SLC16A7: variants seen among roughly 807,000 people sequenced by gnomAD.
SLC16A7 encodes monocarboxylate transporter 2.
A neutral mutation model predicts 34.9 loss-of-function variants in SLC16A7; 33 were observed. The ratio of observed to expected loss-of-function variants is 0.94; its 90% confidence interval spans 0.72 to 1.26. The LOEUF is 1.26. Among genes scored for constraint, SLC16A7 ranks in the 50% most tolerant of loss-of-function variants. The pLI is 0.00. For synonymous variants in SLC16A7, 201 were observed against 206.6 expected (o/e 0.97, Z 0.23); for missense variants, 573 against 578.1 (o/e 0.99, Z 0.09).
At chr12:59,707,958 G>A (rs1484987878) in intron 3 of SLC16A7, among the ~76,000 whole-genome samples, 1 of 152,042 alleles carries the variant, frequency 6.6e-6, no homozygotes, top group Non-Finnish European at 1.5e-5. Flanking sequence ...GCTTTTACCT[G>A]CCATGTCCAC....
chr12:59,634,069 A>G (rs1880308620), intron 1 of SLC16A7, among the ~76,000 whole-genome samples: 1 of 152,078 alleles, frequency 6.6e-6, no homozygotes, highest in African/African-American at 2.4e-5. Flanking sequence ...TGGAAACTGA[A>G]ACAGCCGGGT....
At chr12:59,690,569 A>G (rs1871530806) in intron 2 of SLC16A7, among the ~76,000 whole-genome samples, 1 of 151,994 alleles carries the variant, frequency 6.6e-6, no homozygotes, top group Admixed American at 6.6e-5. Context: ...ATGCCTAGAA[A>G]AAGCATATAA....
At chr12:59,645,561 G>T (rs1241569219) in intron 1 of SLC16A7, among the ~76,000 whole-genome samples, 1 of 152,104 alleles carries the variant, frequency 6.6e-6, no homozygotes, top group Admixed American at 6.6e-5. Flanking sequence ...TCCCAGCCCT[G>T]TGCAATGGTG....
chr12:59,662,411 T>A (rs1868902766), intron 2 of SLC16A7, among the ~76,000 whole-genome samples: 1 of 152,098 alleles, frequency 6.6e-6, no homozygotes, highest in Admixed American at 6.6e-5. Context: ...CTATCTGCAT[T>A]TCCTCTCTCC....
intron 3 of SLC16A7, among the ~76,000 whole-genome samples, chr12:59,751,603 G>A (rs1474510302): frequency 1.3e-5 from 2 of 152,222 alleles, no homozygotes; most frequent in South Asian, 4.1e-4. Flanking sequence ...CAGCCAGGAA[G>A]CTCCAACTGG....
chr12:59,722,085 A>G lies in SLC16A7; in HGVS notation c.217+17067A>G, dbSNP rs145189915. ...AGTTTCAACTTCTCCTGAACTCTAGACCTATATATAAACCCTCTTTTCAGT... is the reference window on the plus strand; with the variant it reads ...AGTTTCAACTTCTCCTGAACTCTAGGCCTATATATAAACCCTCTTTTCAGT... On this transcript the variant is annotated intron_variant, in intron 3 of 5. Transcript: ENST00000547379. Among the ~76,000 whole-genome samples the G allele has an allele frequency of 5.0e-3, 758 of 151,850 alleles. 7 individuals are homozygous for G. The highest frequency in any genetic ancestry group is 0.017 in the African/African-American group (694 of 41,460).
At chr12:59,768,057 C>G (rs1305507222) in intron 3 of SLC16A7, 1 of 415,904 alleles carries the variant, frequency 2.4e-6, no homozygotes, top group Admixed American at 2.7e-5. Context: ...CAAACCTGCA[C>G]GTTGTGCACA....
At chr12:59,630,111 CCTT>C (rs1161597271) in intron 1 of SLC16A7, among the ~76,000 whole-genome samples, 3 of 151,890 alleles carry the variant, frequency 2.0e-5, no homozygotes, top group Admixed American at 1.3e-4. Context: ...CCCTGACTCT[CCTT>C]CTTTCTTTCT....
intron 2 of SLC16A7, among the ~76,000 whole-genome samples, chr12:59,684,759 A>G (rs1000285895): frequency 6.6e-6 from 1 of 152,300 alleles, no homozygotes; most frequent in Admixed American, 6.5e-5. Context: ...AAATTAAACA[A>G]TAAAATAATT....
rs185955110 is a variant in SLC16A7 at position 59,644,393 on chromosome 12, C to T, written c.-129-10759C>T. Among the ~76,000 whole-genome samples the T allele has an allele frequency of 1.9e-4, 29 of 152,022 alleles. No individual in the cohort carries two copies. In the East Asian group the frequency reaches 5.4e-3, roughly 29 times the overall value. On this transcript the variant is annotated intron_variant, in intron 1 of 5. Coordinates refer to ENST00000547379, the MANE Select transcript of SLC16A7 (RefSeq NM_001270623.2). ...ACCAGCCTTGTCAACATGATGAAAT[C>T]CCATCTCTACTAAAAATACAAAAAT...
chr12:59,754,821 C>T (rs1358547785), intron 3 of SLC16A7, among the ~76,000 whole-genome samples: 1 of 152,148 alleles, frequency 6.6e-6, no homozygotes, highest in Non-Finnish European at 1.5e-5. Context: ...GAATTTTAGA[C>T]CAATATCCTT....
chr12:59,634,852 G>A (rs1050020267), intron 1 of SLC16A7, among the ~76,000 whole-genome samples: 1 of 151,946 alleles, frequency 6.6e-6, no homozygotes, highest in African/African-American at 2.4e-5. Flanking sequence ...TATTTCTTTT[G>A]TTTTCCCTGC....
intron 3 of SLC16A7, among the ~76,000 whole-genome samples, chr12:59,756,261 C>T (rs1436583249): frequency 6.6e-6 from 1 of 152,166 alleles, no homozygotes. Context: ...CAAATGAGAT[C>T]TAATTAAACT....
At chr12:59,636,612 C>T (rs905232026) in intron 1 of SLC16A7, among the ~76,000 whole-genome samples, 2 of 152,060 alleles carry the variant, frequency 1.3e-5, no homozygotes, top group African/African-American at 4.8e-5. Flanking sequence ...TACAGGTGTG[C>T]ACCACCACAC....
chr12:59,710,844 A>C (rs750224158), intron 3 of SLC16A7, among the ~76,000 whole-genome samples: 1 of 152,202 alleles, frequency 6.6e-6, no homozygotes, highest in Non-Finnish European at 1.5e-5. Context: ...ATGTATACAA[A>C]TCAGAGGAGA....
intron 1 of SLC16A7, among the ~76,000 whole-genome samples, chr12:59,621,219 T>C (rs1026731432): frequency 6.6e-6 from 1 of 151,880 alleles, no homozygotes; most frequent in Non-Finnish European, 1.5e-5. Context: ...GATTATTGAT[T>C]GTAGAAATCT....
chr12:59,723,266 A>T (rs1029344974), intron 3 of SLC16A7, among the ~76,000 whole-genome samples: 1 of 151,926 alleles, frequency 6.6e-6, no homozygotes, highest in South Asian at 2.1e-4. Flanking sequence ...TAATGTGGTG[A>T]TTTTTCAGAA....
chr12:59,755,954 A>T lies in SLC16A7; in HGVS notation c.218-15265A>T, dbSNP rs182898932. Among the ~76,000 whole-genome samples, 50 of 152,314 alleles carry T rather than the reference A, an allele frequency of 3.3e-4. 1 individual carries two copies. The East Asian group carries it at 9.1e-3, about 28-fold the overall frequency. On this transcript the variant is annotated intron_variant, in intron 3 of 5. Transcript: ENST00000547379. ...ACAGAGCCCTCAGAAATAACGCTGC[A>T]TATCTACAACTATCTGATCTTGGAC...
chr12:59,704,199 CAAAAAAA>C (rs34021022), intron 2 of SLC16A7, among the ~76,000 whole-genome samples: 5 of 51,614 alleles, frequency 9.7e-5, no homozygotes, highest in Admixed American at 2.3e-4. Context: ...GACTCTGTCT[CAAAAAAA>C]AAAAAAAAAA....
Sources: allele counts gnomAD v4.1 joint callset (sites outside exome capture counted in the v4.1 genomes callset), GRCh38; gene constraint gnomAD v4.1.1; transcripts MANE v1.5; gene names NCBI Gene and HGNC (gene_info 2026-07-23, HGNC 2026-07-21).